Variants in LIPN observed in about 807,000 individuals in gnomAD.
The protein encoded by LIPN is lipase member N.
In LIPN, 32 loss-of-function variants were observed where a neutral mutation model predicts 43.7. The observed-to-expected ratio is 0.73, with a 90% CI of 0.55 to 0.98. LIPN has a LOEUF of 0.98. Ranked by LOEUF, LIPN falls within the 50% of genes least tolerant of loss-of-function variation. The probability of loss-of-function intolerance (pLI) is 0.00; values close to 1 mark genes in which losing one functional copy is unlikely to be tolerated. For missense variants in LIPN, 505 were observed against 483.8 expected (o/e 1.04, Z -0.41); for synonymous variants, 156 against 157.6 (o/e 0.99, Z 0.08).
intron 1 of LIPN, among the ~76,000 whole-genome samples, 59 bp downstream of exon 1, chr10:88,760,165 A>G (rs1842975207): frequency 6.6e-6 from 1 of 152,128 alleles, no homozygotes; most frequent in Non-Finnish European, 1.5e-5. Flanking sequence ...TTGCACTGGC[A>G]GTCAGGTGCA....
Position 88,774,448 on chromosome 10 carries a change from G to A in LIPN, c.820-25G>A, listed in dbSNP as rs1178644163. On this transcript the variant is annotated intron_variant, in intron 7 of 9. Coordinates refer to ENST00000404459, the MANE Select transcript of LIPN (RefSeq NM_001102469.2). The stretch of plus-strand genomic sequence containing the variant: ...GGCAAAATTTTGTTGGGCAATTGCT[G>A]TAATATGAGTTTTATCTCCTTTAGA... 3 of 1,566,338 alleles carry A rather than the reference G, an allele frequency of 1.9e-6. No homozygotes were observed. In the South Asian group the frequency reaches 3.4e-5, roughly 18 times the overall value.
At chr10:88,762,349 C>T (rs1217544684) in intron 3 of LIPN, 44 bp downstream of exon 3, 1 of 1,208,782 alleles carries the variant, frequency 8.3e-7, no homozygotes, top group Non-Finnish European at 1.2e-6. Flanking sequence ...CATTGACCTC[C>T]TGCTTCTCAG....
At chr10:88,760,163 G>A (rs1404262606) in intron 1 of LIPN, among the ~76,000 whole-genome samples, 57 bp downstream of exon 1, 1 of 152,054 alleles carries the variant, frequency 6.6e-6, no homozygotes, top group East Asian at 1.9e-4. Flanking sequence ...AGTTGCACTG[G>A]CAGTCAGGTG....
intron 7 of LIPN, among the ~76,000 whole-genome samples, chr10:88,771,346 GCC>G (rs1843205601): frequency 2.0e-5 from 3 of 151,748 alleles, no homozygotes; most frequent in Admixed American, 6.6e-5. Flanking sequence ...TATTGTGCAT[GCC>G]AGACTTTAGT....
rs191416462 is a variant in LIPN at position 88,766,154 on chromosome 10, C to T, written c.426-115C>T. ...ATAATTGGATAAATAATGAAATACA[C>T]ATTGAATCTAAGTAAACAGCATAGA... On this transcript the variant is annotated intron_variant, in intron 4 of 9. Coordinates refer to ENST00000404459, the MANE Select transcript of LIPN (RefSeq NM_001102469.2). 1,452 of 648,484 alleles carry T rather than the reference C, an allele frequency of 2.2e-3. 17 individuals are homozygous for T. The highest frequency in any genetic ancestry group is 0.018 in the South Asian group (928 of 52,276). 40.2% of individuals were successfully genotyped at this position (648,484 alleles called of 1,614,324 possible).
At position 88,772,445 on chromosome 10, in the gene LIPN, G is replaced by C. The variant is rs144664017; in HGVS notation, c.819+1454G>C. 6.6e-5 allele frequency among the ~76,000 whole-genome samples: 10 copies of C among 152,016 alleles called. No individual in the cohort carries two copies. The East Asian group carries it at 1.9e-3, about 30-fold the overall frequency. On this transcript the variant is annotated intron_variant, in intron 7 of 9. Transcript: ENST00000404459. ...TTGTTTTTGTATCTGGCAAGAGATAGAGATCTAATTTCATTCTTCTGCATA... is the reference window on the plus strand; with the variant it reads ...TTGTTTTTGTATCTGGCAAGAGATACAGATCTAATTTCATTCTTCTGCATA...
At chr10:88,760,883 T>C (rs907262740) in intron 1 of LIPN, among the ~76,000 whole-genome samples, 2 of 152,172 alleles carry the variant, frequency 1.3e-5, no homozygotes, top group Non-Finnish European at 2.9e-5. Context: ...AGACTGCACA[T>C]TGAAATACGC....
rs751620187 is a variant in LIPN, at chr10:88,775,081, A to G, written c.892-11A>G. ...CCTAACTATTCTTTTTCTAAAAAACATTTGTTTCAGCTTTACCACTCTGAT... is the reference window on the plus strand; with the variant it reads ...CCTAACTATTCTTTTTCTAAAAAACGTTTGTTTCAGCTTTACCACTCTGAT... On this transcript the variant is annotated splice_polypyrimidine_tract_variant and intron_variant, in intron 8 of 9. Coordinates refer to ENST00000404459, the MANE Select transcript of LIPN (RefSeq NM_001102469.2). 17 of 1,521,870 alleles carry G rather than the reference A, an allele frequency of 1.1e-5. No homozygotes were observed. The highest frequency in any genetic ancestry group is 1.3e-5 in the Non-Finnish European group (15 of 1,126,150). 94.3% of individuals were successfully genotyped at this position (1,521,870 alleles called of 1,614,324 possible).
chr10:88,771,659 C>G (rs922473690), intron 7 of LIPN, among the ~76,000 whole-genome samples: 1 of 151,688 alleles, frequency 6.6e-6, no homozygotes, highest in Non-Finnish European at 1.5e-5. Context: ...TTGATGGACA[C>G]TTAGGCTGAT....
intron 2 of LIPN, among the ~76,000 whole-genome samples, chr10:88,761,776 TATTTATCTATC>T (rs1564578459): frequency 1.5e-3 from 122 of 78,884 alleles, no homozygotes; most frequent in African/African-American, 0.01. Context: ...TCTATCTATC[TATTTATCTATC>T]TATCTATCTA....
intron 5 of LIPN, among the ~76,000 whole-genome samples, chr10:88,767,558 C>T (rs373569485): frequency 2.8e-4 from 40 of 143,510 alleles, no homozygotes; most frequent in Admixed American, 7.5e-4. Context: ...GTAAGGATTC[C>T]GGAGAAATGG....
At chr10:88,761,322 T>G in intron 1 of LIPN, 76 bp from the exon 2 acceptor site, 1 of 889,508 alleles carries the variant, frequency 1.1e-6, no homozygotes, top group East Asian at 2.6e-5. Flanking sequence ...CATTAATAAT[T>G]TCACTAATCA....
chr10:88,762,110 C>T, intron 2 of LIPN, 78 bp from the exon 3 acceptor site: 1 of 701,452 alleles, frequency 1.4e-6, no homozygotes. Flanking sequence ...CTAATAAGCA[C>T]ACAACAGATG....
In LIPN at chr10:88,764,465, G is replaced by T. The variant is rs368398053; in HGVS notation, c.282G>T (p.Trp94Cys). 96 of 1,612,296 alleles carry T rather than the reference G, an allele frequency of 6.0e-5. No individual in the cohort carries two copies. The highest frequency in any genetic ancestry group is 7.7e-5 in the Non-Finnish European group (91 of 1,179,102). The change falls in exon 4 of 10, where the codon TGG becomes TGT. Residue 94 changes from tryptophan to cysteine, a missense_variant. Trp to Cys is a radical substitution (Grantham distance 215, BLOSUM62 -2). Coordinates refer to ENST00000404459, the MANE Select transcript of LIPN (RefSeq NM_001102469.2). ...CCCTGTTTGCAGACAATGCCTACTGGCTTGAGAATTATGCTAATGGAAGCC... is the reference window on the plus strand; with the variant it reads ...CCCTGTTTGCAGACAATGCCTACTGTCTTGAGAATTATGCTAATGGAAGCC... Reference protein sequence around the residue: ...QHALFADNAYWLENYANGSLG... With the variant: ...QHALFADNAYCLENYANGSLG...
chr10:88,761,218 G>GA (rs928819117), intron 1 of LIPN, among the ~76,000 whole-genome samples, 180 bp from the exon 2 acceptor site: 2 of 152,016 alleles, frequency 1.3e-5, no homozygotes, highest in African/African-American at 4.8e-5. Context: ...ACTTCTACAT[G>GA]AAAAAATAGA....
At chr10:88,757,362 G>A (rs1842938782), upstream of LIPN, among the ~76,000 whole-genome samples, 2 of 152,098 alleles carry the variant, frequency 1.3e-5, no homozygotes, top group South Asian at 2.1e-4. Context: ...GGTCCTGATC[G>A]TGTCACTCCG....
intron 8 of LIPN, among the ~76,000 whole-genome samples, 183 bp from the exon 9 acceptor site, chr10:88,774,909 G>C (rs866029039): frequency 6.6e-6 from 1 of 151,740 alleles, no homozygotes; most frequent in East Asian, 1.9e-4. Flanking sequence ...TTTAAACCAA[G>C]GGGGGTATTG....
At chr10:88,768,210 C>G (rs1212402397) in intron 5 of LIPN, among the ~76,000 whole-genome samples, 1 of 151,784 alleles carries the variant, frequency 6.6e-6, no homozygotes, top group African/African-American at 2.4e-5. Flanking sequence ...AATGGAGATG[C>G]CTGGTCCTTA....
rs1004265011 is a variant in LIPN at position 88,779,228 on chromosome 10, C to G, written c.*986C>G. Reference sequence around the variant, plus strand: ...TGCCAACAAAAGATTCTGAGCAAGACTGTAAATCTGATCAAGTGTTCTGAT... The same window carrying G: ...TGCCAACAAAAGATTCTGAGCAAGAGTGTAAATCTGATCAAGTGTTCTGAT... On this transcript the variant is annotated 3_prime_UTR_variant, in exon 10 of 10. Transcript: ENST00000404459. Among the ~76,000 whole-genome samples, 1 of 152,188 alleles carries G rather than the reference C, an allele frequency of 6.6e-6. No homozygotes were observed. Among genetic ancestry groups the G allele is most frequent in the Non-Finnish European group, 1.5e-5 (1 of 68,032 alleles).
Sources: allele counts gnomAD v4.1 joint callset (sites outside exome capture counted in the v4.1 genomes callset), GRCh38; gene constraint gnomAD v4.1.1; transcripts MANE v1.5; gene names NCBI Gene and HGNC (gene_info 2026-07-23, HGNC 2026-07-21).